Variants in INTS3 observed in about 807,000 individuals in gnomAD.
The protein encoded by INTS3 is integrator complex subunit 3, also known as SOSS complex subunit A.
INTS3 carries 34 observed loss-of-function variants against 146.3 expected under a neutral mutation model. The observed-to-expected ratio is 0.23, with a 90% CI of 0.18 to 0.31. INTS3 has a LOEUF of 0.31. INTS3 is among the 10% of genes least tolerant of loss of function. INTS3 has a pLI of 1.00. For missense variants in INTS3, 757 were observed against 1,304.2 expected, an observed-to-expected ratio of 0.58 and a Z score of 6.46; for synonymous variants, 475 against 494.9, an observed-to-expected ratio of 0.96 and a Z score of 0.53.
Position 153,757,738 on chromosome 1 carries a change from T to C in INTS3, c.1124T>C (p.Ile375Thr). 1 of 1,613,696 alleles carries C rather than the reference T, an allele frequency of 6.2e-7. No individual in the cohort carries two copies. The change falls in exon 10 of 30, where the codon ATT (isoleucine) becomes ACT (threonine). Residue 375 changes from isoleucine (I) to threonine (T), a missense_variant. By Grantham distance (89) the Ile-to-Thr change is moderately conservative. Around this residue, in one of 8 missense-constraint regions of INTS3, gnomAD observed 35 missense variants for 122.2 expected, o/e 0.29. Transcript: ENST00000318967. This position sits in a 1 kb window ranked among gnomAD's most constrained non-coding sequence, Gnocchi z 4.0. ...SSDILPRWAI[I>T]GWLLTTCTSN... is the part of the protein sequence containing the mutation. ...GATATCTTGCCCCGGTGGGCCATCA[T>C]TGGTTGGCTCCTGACAACGTGCACG... is the stretch of plus-strand genomic sequence containing the variant.
At chr1:153,749,540 G>A (rs1010039767) in intron 6 of INTS3, among the ~76,000 whole-genome samples, 1 of 152,210 alleles carries the variant, frequency 6.6e-6, no homozygotes, top group African/African-American at 2.4e-5. Flanking sequence ...ATGGCTGTGT[G>A]CTGTGCTCTG....
chr1:153,741,935 T>C (rs1270094902), intron 3 of INTS3, among the ~76,000 whole-genome samples: 1 of 152,214 alleles, frequency 6.6e-6, no homozygotes, highest in Non-Finnish European at 1.5e-5. Flanking sequence ...GTCCCCTTTA[T>C]GTGGAACGGT....
At chr1:153,738,353 CA>C (rs1671381174) in intron 1 of INTS3, among the ~76,000 whole-genome samples, 1 of 152,138 alleles carries the variant, frequency 6.6e-6, no homozygotes, top group Non-Finnish European at 1.5e-5. Context: ...TCCTGCCTCC[CA>C]AAGTGCTGGG....
chr1:153,773,119 C>T (rs745905106), intron 29 of INTS3, 38 bp downstream of exon 29: 7 of 1,614,018 alleles, frequency 4.3e-6, no homozygotes, highest in South Asian at 3.3e-5. Flanking sequence ...AAAAGGAGCA[C>T]TGGGTGCAGG....
Position 153,774,349 on chromosome 1 carries a change from CT to C in INTS3, c.*1081del, listed in dbSNP as rs1673053351. On this transcript the variant is annotated 3_prime_UTR_variant, in exon 30 of 30. Coordinates refer to ENST00000318967, the MANE Select transcript of INTS3 (RefSeq NM_023015.5). The stretch of plus-strand genomic sequence containing the variant: ...TACTCATTTCTCAAGAAACAAGATG[CT>C]TCCAAAAGGTCTGTCATCCTCCAGT... The C allele has an allele frequency of 6.6e-6, 1 of 152,222 alleles. No individual in the cohort carries two copies. Among genetic ancestry groups the C allele is most frequent in the African/African-American group, 2.4e-5 (1 of 41,434 alleles). The allele number at this position is 152,222 out of a possible 1,614,324, so 9.4% of individuals were successfully genotyped here.
Position 153,772,904 on chromosome 1 carries a change from G to A in INTS3, c.2895-21G>A, listed in dbSNP as rs41313882. On this transcript the variant is annotated intron_variant, in intron 28 of 29. Coordinates refer to ENST00000318967, the MANE Select transcript of INTS3 (RefSeq NM_023015.5). The surrounding 1 kb of genome is among the most constrained non-coding windows in gnomAD (Gnocchi z 4.6). ...GGAGCAGCAGGCTCCCACTCAAAGA[G>A]CTACCGCTCCTTTTCCTTAGATTCA... 0.021 allele frequency: 33,241 copies of A among 1,613,776 alleles called. 368 individuals carry two copies. Among genetic ancestry groups the A allele is most frequent in the Non-Finnish European group, 0.024 (28,356 of 1,179,810 alleles).
chr1:153,762,375 G>T (rs565067581), intron 14 of INTS3, among the ~76,000 whole-genome samples: 1 of 152,156 alleles, frequency 6.6e-6, no homozygotes, highest in African/African-American at 2.4e-5. Context: ...ACCTGGGACG[G>T]GGAGGTTGCA....
chr1:153,741,285 G>C lies in INTS3; in HGVS notation c.235G>C (p.Val79Leu), dbSNP rs760236166. The C allele has an allele frequency of 2.5e-6, 4 of 1,612,610 alleles. No individual in the cohort carries two copies. In the South Asian group the frequency reaches 3.3e-5, roughly 13 times the overall value. ...REANDALNAYVCKGLPQHEEI... is the reference protein window; with the variant it reads ...REANDALNAYLCKGLPQHEEI... ...TTTGTTTTCCTTTCTCACATTCCAG[G>C]TGTGCAAAGGCCTCCCCCAGCATGA... The change falls in exon 3 of 30, where the codon GTG (valine) becomes CTG (leucine). Residue 79 changes from valine to leucine, a missense_variant and splice_region_variant. Val to Leu is a conservative substitution (Grantham distance 32, BLOSUM62 1). This residue lies in a region of INTS3 where 160 missense variants were observed against 193.7 expected (regional missense o/e 0.83). Transcript: ENST00000318967.
At chr1:153,756,404 T>C (rs1357132062) in intron 9 of INTS3, among the ~76,000 whole-genome samples, 1 of 151,510 alleles carries the variant, frequency 6.6e-6, no homozygotes, top group Admixed American at 6.6e-5. Context: ...TGCAGTGGCA[T>C]GTGCCTGTAA....
intron 1 of INTS3, among the ~76,000 whole-genome samples, chr1:153,733,439 G>A (rs1327871102): frequency 1.3e-5 from 2 of 148,666 alleles, no homozygotes; most frequent in Non-Finnish European, 3.0e-5. Flanking sequence ...TCTCGAAGTC[G>A]TGACCTCGTG....
intron 20 of INTS3, chr1:153,766,823 G>A (rs1371037103): frequency 6.6e-6 from 1 of 151,544 alleles, no homozygotes; most frequent in Non-Finnish European, 1.5e-5. Context: ...CTGAGTAGCT[G>A]AAATTACAGG....
At chr1:153,764,037 A>T (rs1272989583) in intron 17 of INTS3, 81 bp from the exon 18 acceptor site, 1 of 1,329,752 alleles carries the variant, frequency 7.5e-7, no homozygotes, top group East Asian at 2.3e-5. Flanking sequence ...GTGGAAGCAG[A>T]TGAGTTCCAA....
At chr1:153,770,974 G>A (rs974495517) in intron 25 of INTS3, among the ~76,000 whole-genome samples, 6 of 152,264 alleles carry the variant, frequency 3.9e-5, no homozygotes, top group Admixed American at 3.9e-4. Context: ...GGTGGGGACC[G>A]GACATCCCTG....
In INTS3 at chr1:153,728,381, C is replaced by T. The variant is rs762041687; in HGVS notation, c.-254C>T. The T allele has an allele frequency of 4.1e-6, 2 of 484,730 alleles. No individual in the cohort carries two copies. The highest frequency in any genetic ancestry group is 3.5e-5 in the East Asian group (1 of 28,582). The allele number at this position is 484,730 out of a possible 1,614,324, so 30.0% of individuals were successfully genotyped here. On this transcript the variant is annotated 5_prime_UTR_variant, in exon 1 of 30. Transcript: ENST00000318967. ...CCCATAGGGACACAGGCCTTTACCC[C>T]ACTGTACTTCGGAGCCAACGCCTTT... is the stretch of plus-strand genomic sequence containing the variant.
intron 3 of INTS3, among the ~76,000 whole-genome samples, chr1:153,745,629 G>A (rs1671702448): frequency 6.7e-6 from 1 of 150,236 alleles, no homozygotes; most frequent in Non-Finnish European, 1.5e-5. Context: ...TCCTCCAGGA[G>A]TCTGGTCTCA....
chr1:153,761,803 T>A (rs1396371980), intron 14 of INTS3, 127 bp downstream of exon 14: 2 of 580,782 alleles, frequency 3.4e-6, no homozygotes, highest in African/African-American at 1.9e-5. Context: ...CATCACAGTT[T>A]TTCCTTCCTC....
chr1:153,773,361 A>ATGC lies in INTS3; in HGVS notation c.*91_*92insTGC. ...ATAGAGGCTGAGGAGATTGCAGGGG[A>ATGC]AACACCCTTGCTGCATCCCCAAGCT... On this transcript the variant is annotated 3_prime_UTR_variant, in exon 30 of 30. Coordinates refer to ENST00000318967, the MANE Select transcript of INTS3 (RefSeq NM_023015.5). The ATGC allele has an allele frequency of 1.6e-6, 2 of 1,230,696 alleles. No individual in the cohort carries two copies. Among genetic ancestry groups the ATGC allele is most frequent in the Non-Finnish European group, 2.4e-6 (2 of 833,592 alleles). 76.2% of individuals were successfully genotyped at this position (1,230,696 alleles called of 1,614,324 possible).
At position 153,763,374 on chromosome 1, in the gene INTS3, C is replaced by T. The variant is rs1477457334; in HGVS notation, c.1766+12C>T. 1.2e-6 allele frequency: 2 copies of T among 1,613,530 alleles called. No individual in the cohort carries two copies. The highest frequency in any genetic ancestry group is 1.7e-5 in the Admixed American group (1 of 60,002). ...CTACAGAAGGGGAGGTGGGTACAGA[C>T]CTTGTTCTCAACTTCAGGAGGTTCA... On this transcript the variant is annotated intron_variant, in intron 16 of 29. Coordinates refer to ENST00000318967, the MANE Select transcript of INTS3 (RefSeq NM_023015.5).
Position 153,772,028 on chromosome 1 carries a change from G to C in INTS3, c.2720+65G>C, listed in dbSNP as rs1012790936. The C allele has an allele frequency of 6.6e-6, 9 of 1,364,068 alleles. No individual in the cohort carries two copies. In the African/African-American group the frequency reaches 1.3e-4, roughly 20 times the overall value. 84.5% of individuals were successfully genotyped at this position (1,364,068 alleles called of 1,614,324 possible). Reference sequence around the variant, plus strand: ...TCTGCAGTGATTGCTGTCGGTGGTGGTGGTGGTGGTGGTGGTGGTGGTGAT... The same window carrying C: ...TCTGCAGTGATTGCTGTCGGTGGTGCTGGTGGTGGTGGTGGTGGTGGTGAT... On this transcript the variant is annotated intron_variant, in intron 26 of 29. Transcript: ENST00000318967. This position sits in a 1 kb window ranked among gnomAD's most constrained non-coding sequence, Gnocchi z 4.6.
Sources: gnomAD v4.1 joint callset for allele counts (sites outside exome capture counted in the v4.1 genomes callset) on GRCh38, gnomAD v4.1.1 for gene constraint, gnomAD v4.1.1 regional missense constraint, Gnocchi (gnomAD v3.1) non-coding constraint, MANE v1.5 for transcripts, NCBI Gene and HGNC (gene_info 2026-07-23, HGNC 2026-07-21) for gene names.